ZSWIM2: variants seen among roughly 807,000 people sequenced by gnomAD.
ZSWIM2 encodes zinc finger SWIM-type containing 2, also known as E3 ubiquitin-protein ligase ZSWIM2.
A neutral mutation model predicts 48.4 loss-of-function variants in ZSWIM2; 38 were observed. The observed-to-expected ratio is 0.79, with a 90% confidence interval of 0.61 to 1.03. ZSWIM2 has a LOEUF of 1.03. Among genes scored for constraint, ZSWIM2 ranks in the 50% least tolerant of loss-of-function variants. ZSWIM2 has a pLI of 0.00. For missense variants in ZSWIM2, 776 were observed against 730.2 expected, an observed-to-expected ratio of 1.06 and a Z score of -0.72; for synonymous variants, 240 against 251.3, an observed-to-expected ratio of 0.96 and a Z score of 0.42.
intron 1 of ZSWIM2, 76 bp downstream of exon 1, chr2:186,848,890 C>T: frequency 6.3e-7 from 1 of 1,578,638 alleles, no homozygotes. Flanking sequence ...GGTGGCTACG[C>T]ACATTGGGTA....
intron 5 of ZSWIM2, 76 bp from the exon 6 acceptor site, chr2:186,834,106 A>G (rs1290404865): frequency 9.2e-7 from 1 of 1,086,766 alleles, no homozygotes; most frequent in African/African-American, 1.6e-5. Context: ...AAAAATTCTG[A>G]CCAAAACTTC....
chr2:186,831,339 A>T (rs1392483444), intron 7 of ZSWIM2, among the ~76,000 whole-genome samples: 1 of 141,436 alleles, frequency 7.1e-6, no homozygotes, highest in African/African-American at 3.0e-5. Context: ...ACTTACATAT[A>T]CATGTGTATG....
At chr2:186,846,988 A>G (rs1264826728) in intron 2 of ZSWIM2, among the ~76,000 whole-genome samples, 1 of 151,806 alleles carries the variant, frequency 6.6e-6, no homozygotes, top group Non-Finnish European at 1.5e-5. Flanking sequence ...GGTCACATGG[A>G]CATATAGAGT....
intron 5 of ZSWIM2, among the ~76,000 whole-genome samples, chr2:186,837,001 T>C (rs1312347636): frequency 1.3e-5 from 2 of 152,100 alleles, no homozygotes; most frequent in Non-Finnish European, 1.5e-5. Context: ...TGGAAACCTA[T>C]GTAGGCTAAA....
chr2:186,832,284 T>A (rs889011664), intron 7 of ZSWIM2, among the ~76,000 whole-genome samples: 1 of 139,278 alleles, frequency 7.2e-6, no homozygotes, highest in Non-Finnish European at 1.6e-5. Flanking sequence ...CCCGCTAATT[T>A]TTTTTTGTTT....
At position 186,847,695 on chromosome 2, in the gene ZSWIM2, A is replaced by T. The variant is rs779777488; in HGVS notation, c.242+24T>A. ...ACACCAAGATGTTCCTTCATGGAAG[A>T]TCTTCATTTGAAAAGTCACTTACCA... On this transcript the variant is annotated intron_variant, in intron 2 of 8. Coordinates refer to ENST00000295131, the MANE Select transcript of ZSWIM2 (RefSeq NM_182521.3). 1.9e-6 allele frequency: 3 copies of T among 1,557,766 alleles called. No homozygotes were observed. In the East Asian group the frequency reaches 6.9e-5, roughly 36 times the overall value.
Position 186,839,130 on chromosome 2 carries a change from T to C in ZSWIM2, c.323A>G (p.Asp108Gly). ...QLGLGEREISDLLRGIHRVQT... is the reference protein window; with the variant it reads ...QLGLGEREISGLLRGIHRVQT... ...AACTCGATGTATCCCCCGAAGCAAG[T>C]CACTTATCTCTCTTTCTCCAAGACC... is the stretch of plus-strand genomic sequence containing the variant. Residue 108 changes from aspartate (D) to glycine (G), a missense_variant, in exon 4 of 9, where the codon GAC becomes GGC. By Grantham distance (94) the Asp-to-Gly change is moderately conservative. Coordinates refer to ENST00000295131, the MANE Select transcript of ZSWIM2 (RefSeq NM_182521.3). The C allele has an allele frequency of 6.2e-7, 1 of 1,611,618 alleles. No individual in the cohort carries two copies. Among genetic ancestry groups the C allele is most frequent in the Non-Finnish European group, 8.5e-7 (1 of 1,178,238 alleles).
chr2:186,829,998 G>T, intron 7 of ZSWIM2, 118 bp from the exon 8 acceptor site: 2 of 968,772 alleles, frequency 2.1e-6, no homozygotes, highest in Non-Finnish European at 3.1e-6. Flanking sequence ...AGGTTTTCTT[G>T]AACTAAAGAT....
chr2:186,831,299 G>A (rs1691694748), intron 7 of ZSWIM2, among the ~76,000 whole-genome samples: 1 of 151,824 alleles, frequency 6.6e-6, no homozygotes, highest in Non-Finnish European at 1.5e-5. Context: ...CATGGGCATG[G>A]GCTATATATC....
intron 7 of ZSWIM2, among the ~76,000 whole-genome samples, chr2:186,832,037 T>C (rs1691708640): frequency 6.6e-6 from 1 of 151,928 alleles, no homozygotes; most frequent in Non-Finnish European, 1.5e-5. Context: ...TAAAAAAAAG[T>C]TGTCTCTTTT....
chr2:186,836,815 T>C (rs1431918811), intron 5 of ZSWIM2, among the ~76,000 whole-genome samples: 3 of 152,136 alleles, frequency 2.0e-5, no homozygotes, highest in African/African-American at 7.2e-5. Flanking sequence ...AAGTATAAGA[T>C]ATGAAATAAA....
chr2:186,832,100 T>G (rs1284248532), intron 7 of ZSWIM2, among the ~76,000 whole-genome samples: 1 of 149,298 alleles, frequency 6.7e-6, no homozygotes, highest in African/African-American at 2.6e-5. Context: ...CATGCTATAT[T>G]TTCTTTTTTT....
chr2:186,828,026 TTTTG>T lies in ZSWIM2; in HGVS notation c.1856_1859del (p.Thr619LysfsTer7), dbSNP rs1406293965. The T allele has an allele frequency of 1.9e-6, 3 of 1,609,694 alleles. No homozygotes were observed. The African/African-American group carries it at 4.0e-5, about 22-fold the overall frequency. On this transcript the variant is annotated frameshift_variant, in exon 9 of 9. Coordinates refer to ENST00000295131, the MANE Select transcript of ZSWIM2 (RefSeq NM_182521.3). LOFTEE classifies it high-confidence loss of function. ...CTATTATTAAAGATAGCTCAGTACT[TTTTG>T]TATTTACAGAGTGAGACACAGGCTG... is the stretch of plus-strand genomic sequence containing the variant.
At chr2:186,843,187 T>C (rs1691939750) in intron 3 of ZSWIM2, among the ~76,000 whole-genome samples, 1 of 151,618 alleles carries the variant, frequency 6.6e-6, no homozygotes, top group Non-Finnish European at 1.5e-5. Context: ...GTATTGAAGC[T>C]TGTGAAAATG....
chr2:186,839,635 AATT>A, intron 3 of ZSWIM2, among the ~76,000 whole-genome samples: 1 of 151,832 alleles, frequency 6.6e-6, no homozygotes, highest in East Asian at 1.9e-4. Context: ...AGCAAGACTT[AATT>A]AATTGTGCCT....
At chr2:186,838,370 A>G (rs940838427) in intron 4 of ZSWIM2, among the ~76,000 whole-genome samples, 2 of 151,000 alleles carry the variant, frequency 1.3e-5, no homozygotes, top group African/African-American at 2.4e-5. Context: ...AGATTTGTAC[A>G]TATGTGAAAA....
Position 186,827,828 on chromosome 2 carries a change from C to G in ZSWIM2, c.*156G>C, listed in dbSNP as rs1196066195. 2.0e-6 allele frequency: 1 copy of G among 511,838 alleles called. No individual in the cohort carries two copies. Among genetic ancestry groups the G allele is most frequent in the Non-Finnish European group, 3.3e-6 (1 of 298,830 alleles). The allele number at this position is 511,838 out of a possible 1,614,324, so 31.7% of individuals were successfully genotyped here. On this transcript the variant is annotated 3_prime_UTR_variant, in exon 9 of 9. Transcript: ENST00000295131. Reference sequence around the variant, plus strand: ...CTGTAAGTCATATAAGTAATAGAATCATTTCCTTTAAGTGTAGTGAGCTGT... The same window carrying G: ...CTGTAAGTCATATAAGTAATAGAATGATTTCCTTTAAGTGTAGTGAGCTGT...
At position 186,847,739 on chromosome 2, in the gene ZSWIM2, T is replaced by C. The variant is rs761041523; in HGVS notation, c.222A>G (p.Glu74=). The C allele has an allele frequency of 5.0e-6, 8 of 1,605,664 alleles. No individual in the cohort carries two copies. Among genetic ancestry groups the C allele is most frequent in the Non-Finnish European group, 5.1e-6 (6 of 1,175,598 alleles). Residue 74 remains glutamate, a synonymous_variant, in exon 2 of 9, where the codon GAA becomes GAG. Coordinates refer to ENST00000295131, the MANE Select transcript of ZSWIM2 (RefSeq NM_182521.3). Reference sequence around the variant, plus strand: ...CTTACCAGCAGATATGCTTACAAAGTTCCCCTCCTTTCGGAAATGTGGAAC... The same window carrying C: ...CTTACCAGCAGATATGCTTACAAAGCTCCCCTCCTTTCGGAAATGTGGAAC... ...CNCSTFPKGG[E]LCKHICWVLL... is the part of the protein sequence containing the mutation.
In ZSWIM2 at chr2:186,828,368, C is replaced by T. The variant is rs930392249; in HGVS notation, c.1518G>A (p.Gly506=). The T allele has an allele frequency of 9.3e-6, 15 of 1,613,690 alleles. No homozygotes were observed. Among genetic ancestry groups the T allele is most frequent in the Non-Finnish European group, 1.3e-5 (15 of 1,179,800 alleles). Residue 506 remains glycine (G), a synonymous_variant, in exon 9 of 9, where the codon GGG becomes GGA. Coordinates refer to ENST00000295131, the MANE Select transcript of ZSWIM2 (RefSeq NM_182521.3). ...GAAGCAGTGTTTGAGATGGTATTTT[C>T]CCAAATGACACAGTGGGTAAATCTT... The part of the protein sequence containing the change: ...YLQDLPTVSF[G]KIPSQTLLPP...
Sources: gnomAD v4.1 joint callset for allele counts (sites outside exome capture counted in the v4.1 genomes callset) on GRCh38, gnomAD v4.1.1 for gene constraint, MANE v1.5 for transcripts, NCBI Gene and HGNC (gene_info 2026-07-23, HGNC 2026-07-21) for gene names.